STXBP2: variants seen among roughly 807,000 people sequenced by gnomAD.
STXBP2 encodes the protein syntaxin binding protein 2.
A neutral mutation model predicts 72.2 loss-of-function variants in STXBP2; 47 were observed. The observed-to-expected ratio is 0.65, with a 90% CI of 0.51 to 0.83. STXBP2 has a LOEUF of 0.83. Among genes scored for constraint, STXBP2 ranks in the 40% least tolerant of loss-of-function variants. STXBP2 has a pLI of 0.00. For synonymous variants in STXBP2, 367 were observed against 338.7 expected (o/e 1.08, Z -0.92); for missense variants, 702 against 807.6 (o/e 0.87, Z 1.58).
rs555749684 is a variant in STXBP2, at chr19:7,637,118, C to G, written c.-32C>G. 1.6e-5 allele frequency: 20 copies of G among 1,239,732 alleles called. No individual in the cohort carries two copies. In the South Asian group the frequency reaches 7.3e-4, roughly 45 times the overall value. The allele number at this position is 1,239,732 out of a possible 1,614,324, so 76.8% of individuals were successfully genotyped here. ...GGCCACGCCCCCACCTTGGGACACA[C>G]CCGGAAGCGGCGGCGGCGCCCCTCG... On this transcript the variant is annotated 5_prime_UTR_variant, in exon 1 of 19. Transcript: ENST00000221283.
In STXBP2 at chr19:7,642,351, C is replaced by T; in HGVS notation, c.794+18C>T. 1 of 1,613,502 alleles carries T rather than the reference C, an allele frequency of 6.2e-7. No homozygotes were observed. Among genetic ancestry groups the T allele is most frequent in the East Asian group, 2.2e-5 (1 of 44,882 alleles). On this transcript the variant is annotated intron_variant, in intron 9 of 18. Coordinates refer to ENST00000221283, the MANE Select transcript of STXBP2 (RefSeq NM_006949.4). The surrounding 1 kb of genome is among the most constrained non-coding windows in gnomAD (Gnocchi z 6.0). ...ACATACAGGTCTGCAGACTTGGAAC[C>T]CGTCCCCACCCTTGCCACTGACCTG...
In STXBP2 at chr19:7,645,209, A is replaced by G. The variant is rs2032084372; in HGVS notation, c.1259A>G (p.Glu420Gly). Residue 420 changes from glutamate (E) to glycine (G), a missense_variant, in exon 15 of 19, where the codon GAG becomes GGG. Glu to Gly is a moderately conservative substitution (Grantham distance 98, BLOSUM62 -2). Coordinates refer to ENST00000221283, the MANE Select transcript of STXBP2 (RefSeq NM_006949.4). ...YILLRNGVSE[E>G]NLAKLIQHAN... ...TCCCGTCCCCCAGGTGTGAGTGAGG[A>G]GAACCTGGCCAAGCTGATCCAGCAT... 5.8e-6 allele frequency: 9 copies of G among 1,564,302 alleles called. No individual in the cohort carries two copies. The highest frequency in any genetic ancestry group is 7.8e-6 in the Non-Finnish European group (9 of 1,153,368).
the STXBP2 span, chr19:7,631,358 C>G: frequency 1.5e-6 from 2 of 1,359,346 alleles, no homozygotes; most frequent in Non-Finnish European, 1.9e-6. Flanking sequence ...GACACTGAAC[C>G]CTGAAGCCGT....
chr19:7,630,824 G>A, the STXBP2 span: 5 of 1,537,252 alleles, frequency 3.3e-6, no homozygotes, highest in African/African-American at 6.8e-5. Flanking sequence ...TCCTTACAGA[G>A]GGAGCTGTGG....
chr19:7,637,583 C>G (rs2146203690), intron 1 of STXBP2, among the ~76,000 whole-genome samples: 1 of 152,166 alleles, frequency 6.6e-6, no homozygotes, highest in Non-Finnish European at 1.5e-5. Context: ...GTCAGCGACC[C>G]TAGGTGCTGT....
At chr19:7,633,257 C>A (rs2146197566), upstream of STXBP2, 1 of 874,534 alleles carries the variant, frequency 1.1e-6, no homozygotes, top group South Asian at 1.7e-5. Flanking sequence ...ACTCAGACCC[C>A]CAAGCCCACC....
chr19:7,640,175 TCTG>T, intron 4 of STXBP2: 1 of 465,996 alleles, frequency 2.1e-6, no homozygotes, highest in Non-Finnish European at 4.3e-6. Flanking sequence ...TGTGTGTGCG[TCTG>T]TCTGTGTGCA....
upstream of STXBP2, chr19:7,632,869 T>A (rs1277050710): frequency 6.5e-7 from 1 of 1,536,768 alleles, no homozygotes; most frequent in Non-Finnish European, 8.7e-7. The surrounding 1 kb of genome is among the most constrained non-coding windows in gnomAD (Gnocchi z 5.2). Flanking sequence ...GCCCTTCAGC[T>A]TGGGGGCCCC....
chr19:7,641,708 T>G lies in STXBP2; in HGVS notation c.433T>G (p.Phe145Val). 6.4e-7 allele frequency: 1 copy of G among 1,553,684 alleles called. No individual in the cohort carries two copies. The highest frequency in any genetic ancestry group is 8.7e-7 in the Non-Finnish European group (1 of 1,148,968). ...CTTCTGTCCCCTCCTCGCCCAGGTG[T>G]TCTCCCTCGATGCTCCCCACAGCAC... is the stretch of plus-strand genomic sequence containing the variant. ...LAFLPYEAQV[F>V]SLDAPHSTYN... The change falls in exon 7 of 19, where the codon TTC (phenylalanine) becomes GTC (valine). Residue 145 changes from phenylalanine (F) to valine (V), a missense_variant. Physicochemically the swap from Phe to Val is conservative, Grantham distance 50. Transcript: ENST00000221283.
At chr19:7,646,945 T>A in intron 16 of STXBP2, 1 of 601,594 alleles carries the variant, frequency 1.7e-6, no homozygotes, top group Non-Finnish European at 2.9e-6. Flanking sequence ...CAAGGAGTTA[T>A]GGAATTAGAT....
chr19:7,642,567 C>G lies in STXBP2; in HGVS notation c.902+31C>G, dbSNP rs758094583. On this transcript the variant is annotated intron_variant, in intron 10 of 18. Coordinates refer to ENST00000221283, the MANE Select transcript of STXBP2 (RefSeq NM_006949.4). The surrounding 1 kb of genome is among the most constrained non-coding windows in gnomAD (Gnocchi z 6.0). ...TGCACACGGGGACCGGATCCCCCCCCCACCGCCCACTGTGGGCCTGGTAGC... is the reference window on the plus strand; with the variant it reads ...TGCACACGGGGACCGGATCCCCCCCGCACCGCCCACTGTGGGCCTGGTAGC... 22 of 1,609,270 alleles carry G rather than the reference C, an allele frequency of 1.4e-5. No individual in the cohort carries two copies. Among genetic ancestry groups the G allele is most frequent in the Non-Finnish European group, 1.9e-5 (22 of 1,176,058 alleles).
upstream of STXBP2, chr19:7,632,741 G>A (rs757111561): frequency 7.2e-5 from 113 of 1,563,814 alleles, no homozygotes; most frequent in South Asian, 2.9e-4. The surrounding 1 kb of genome is among the most constrained non-coding windows in gnomAD (Gnocchi z 5.2). Flanking sequence ...GGCCCGGCCC[G>A]GCTTGCAGTG....
chr19:7,647,379 A>T lies in STXBP2; in HGVS notation c.1564A>T (p.Asn522Tyr). The T allele has an allele frequency of 6.2e-7, 1 of 1,613,416 alleles. No individual in the cohort carries two copies. Among genetic ancestry groups the T allele is most frequent in the Non-Finnish European group, 8.5e-7 (1 of 1,179,926 alleles). Residue 522 changes from asparagine (N) to tyrosine (Y), a missense_variant, in exon 18 of 19, where the codon AAC becomes TAC. By Grantham distance (143) the Asn-to-Tyr change is moderately radical. Transcript: ENST00000221283. Reference protein sequence around the residue: ...VSARFGHWHKNKAGIEARAGP... With the variant: ...VSARFGHWHKYKAGIEARAGP... Reference sequence around the variant, plus strand: ...TGCCCGCTTCGGTCACTGGCACAAGAACAAGGCTGGCATAGAAGCCCGGGC... The same window carrying T: ...TGCCCGCTTCGGTCACTGGCACAAGTACAAGGCTGGCATAGAAGCCCGGGC...
Position 7,641,704 on chromosome 19 carries a change from G to A in STXBP2, c.430-1G>A. On this transcript the variant is annotated splice_acceptor_variant, in intron 6 of 18. Coordinates refer to ENST00000221283, the MANE Select transcript of STXBP2 (RefSeq NM_006949.4). LOFTEE classifies it high-confidence loss of function. ...GGTGCTTCTGTCCCCTCCTCGCCCA[G>A]GTGTTCTCCCTCGATGCTCCCCACA... 1 of 1,553,334 alleles carries A rather than the reference G, an allele frequency of 6.4e-7. No homozygotes were observed. The highest frequency in any genetic ancestry group is 8.7e-7 in the Non-Finnish European group (1 of 1,148,744).
At chr19:7,638,989 CTCCA>C in intron 2 of STXBP2, 26 bp from the exon 3 acceptor site, 1 of 1,613,510 alleles carries the variant, frequency 6.2e-7, no homozygotes, top group South Asian at 1.1e-5. Flanking sequence ...CCGCCTGCTC[CTCCA>C]TCCATCTGTC....
At chr19:7,647,021 C>T (rs1276912619) in intron 16 of STXBP2, 141 bp from the exon 17 acceptor site, 2 of 816,696 alleles carry the variant, frequency 2.4e-6, no homozygotes, top group Non-Finnish European at 3.9e-6. Context: ...GGCCTAGACT[C>T]CTGGGTCCCC....
upstream of STXBP2, chr19:7,632,072 C>T (rs983248822): frequency 2.4e-5 from 13 of 551,176 alleles, no homozygotes; most frequent in Admixed American, 2.0e-4. This position sits in a 1 kb window ranked among gnomAD's most constrained non-coding sequence, Gnocchi z 5.2. Flanking sequence ...ATGTATATAT[C>T]CTATGTGTGA....
chr19:7,638,837 AC>A lies in STXBP2; in HGVS notation c.87+65del, dbSNP rs1294742805. The A allele has an allele frequency of 1.9e-6, 3 of 1,609,118 alleles. No individual in the cohort carries two copies. The East Asian group carries it at 6.7e-5, about 36-fold the overall frequency. On this transcript the variant is annotated intron_variant, in intron 2 of 18. Coordinates refer to ENST00000221283, the MANE Select transcript of STXBP2 (RefSeq NM_006949.4). ...GCTCATCATCAGGCCTATGGGGAAG[AC>A]CCTGAATGTGGGACCCCCAAGAACT...
At chr19:7,630,754 C>T in the STXBP2 span, 1 of 1,535,868 alleles carries the variant, frequency 6.5e-7, no homozygotes, top group South Asian at 1.2e-5. Context: ...CTCCCATAAG[C>T]CGACCCTGCC....
Sources: gnomAD v4.1 joint callset for allele counts (sites outside exome capture counted in the v4.1 genomes callset) on GRCh38, gnomAD v4.1.1 for gene constraint, Gnocchi (gnomAD v3.1) non-coding constraint, MANE v1.5 for transcripts, NCBI Gene and HGNC (gene_info 2026-07-23, HGNC 2026-07-21) for gene names.